TSEN15: variants seen among roughly 807,000 people sequenced by gnomAD.
The protein encoded by TSEN15 is tRNA splicing endonuclease subunit 15.
In TSEN15, 10 loss-of-function variants were observed where a neutral mutation model predicts 20.5. That is an observed-to-expected ratio of 0.49 (90% CI 0.30 to 0.83). The LOEUF is 0.83. TSEN15 is among the 40% of genes least tolerant of loss of function. The probability of loss-of-function intolerance (pLI) is 0.06; values close to 1 mark genes in which losing one functional copy is unlikely to be tolerated. For missense variants in TSEN15, 180 were observed against 218.6 expected (o/e 0.82, Z 1.11); for synonymous variants, 72 against 80.1 (o/e 0.90, Z 0.54).
intron 1 of TSEN15, 28 bp downstream of exon 1, chr1:184,051,918 C>T: frequency 6.7e-7 from 1 of 1,500,072 alleles, no homozygotes; most frequent in Non-Finnish European, 8.9e-7. Context: ...GAGCAGGGCG[C>T]CGTCCAGGCC....
chr1:184,075,910 A>ATATATATATATATATATATATATTTTTT (rs760409158), downstream of TSEN15, among the ~76,000 whole-genome samples: 2 of 123,738 alleles, frequency 1.6e-5, no homozygotes, highest in South Asian at 2.7e-4. Context: ...ATATATATAT[A>ATATATATATATATATATATATATTTTTT]TTTTTTTTTT....
chr1:184,087,108 G>T (rs1353162055), intron 3 of TSEN15, among the ~76,000 whole-genome samples: 1 of 152,088 alleles, frequency 6.6e-6, no homozygotes, highest in African/African-American at 2.4e-5. Flanking sequence ...GGGTAGAAAG[G>T]TATGATGAGG....
intron 3 of TSEN15, among the ~76,000 whole-genome samples, chr1:184,086,635 G>A (rs939504281): frequency 2.0e-5 from 3 of 152,168 alleles, no homozygotes; most frequent in Non-Finnish European, 4.4e-5. Context: ...GCAGGAGAAG[G>A]CCTTGCTTTC....
intron 3 of TSEN15, among the ~76,000 whole-genome samples, chr1:184,057,274 T>A (rs995972332): frequency 1.3e-5 from 2 of 151,766 alleles, no homozygotes; most frequent in Non-Finnish European, 2.9e-5. Flanking sequence ...TGGAGGAGAG[T>A]AATATTGAGC....
exon 4 of TSEN15, chr1:184,096,125 C>A: frequency 5.5e-6 from 1 of 181,420 alleles, no homozygotes; most frequent in East Asian, 1.3e-4. Context: ...AGAAATAAAT[C>A]ACATTCACTG....
At chr1:184,093,095 T>C (rs1651388471) in intron 3 of TSEN15, among the ~76,000 whole-genome samples, 1 of 152,230 alleles carries the variant, frequency 6.6e-6, no homozygotes, top group Admixed American at 6.5e-5. Flanking sequence ...TAAAATTTTC[T>C]TTCCGATCAA....
At chr1:184,067,924 C>CAAAAA (rs71130650) in intron 3 of TSEN15, among the ~76,000 whole-genome samples, 31 of 54,832 alleles carry the variant, frequency 5.7e-4, no homozygotes, top group African/African-American at 2.9e-3. Context: ...CTCTCTCTCT[C>CAAAAA]AAAAAAAAAA....
At chr1:184,080,263 C>T (rs1051028490) in intron 3 of TSEN15, among the ~76,000 whole-genome samples, 1 of 152,156 alleles carries the variant, frequency 6.6e-6, no homozygotes, top group African/African-American at 2.4e-5. Context: ...ATGCTCACAA[C>T]AGAGCTGATG....
rs527526319 is a variant in TSEN15 at position 184,054,205 on chromosome 1, A to G, written c.136-149A>G. The G allele has an allele frequency of 2.4e-4, 125 of 516,504 alleles. 1 individual carries two copies. The highest frequency in any genetic ancestry group is 2.2e-3 in the African/African-American group (112 of 51,388). The allele number at this position is 516,504 out of a possible 1,614,324, so 32.0% of individuals were successfully genotyped here. A position where few individuals can be genotyped will look rare whatever the true frequency, so the allele number is the denominator to read the frequency against. On this transcript the variant is annotated intron_variant, in intron 1 of 4. Transcript: ENST00000645668. Reference sequence around the variant, plus strand: ...TTTAACAATTGCAAGTTCTTTAGAGACAGAGATAAGATCTTATATTGCCTT... The same window carrying G: ...TTTAACAATTGCAAGTTCTTTAGAGGCAGAGATAAGATCTTATATTGCCTT...
downstream of TSEN15, among the ~76,000 whole-genome samples, chr1:184,078,740 AAGAGT>A (rs1345948339): frequency 2.0e-5 from 3 of 152,212 alleles, no homozygotes; most frequent in African/African-American, 7.2e-5. Context: ...ATTAGAATAG[AAGAGT>A]AATCTGCAAA....
At chr1:184,090,809 G>C (rs967282229) in intron 3 of TSEN15, among the ~76,000 whole-genome samples, 1 of 152,180 alleles carries the variant, frequency 6.6e-6, no homozygotes, top group Non-Finnish European at 1.5e-5. Flanking sequence ...GGCTTGCTCA[G>C]GTGTCCCAGC....
At chr1:184,062,712 G>A (rs1315224992) in intron 3 of TSEN15, among the ~76,000 whole-genome samples, 1 of 151,714 alleles carries the variant, frequency 6.6e-6, no homozygotes, top group African/African-American at 2.4e-5. Flanking sequence ...GAACAAAATG[G>A]TTTTCTAGTC....
chr1:184,064,508 G>A (rs1650577075), intron 3 of TSEN15, among the ~76,000 whole-genome samples: 1 of 151,940 alleles, frequency 6.6e-6, no homozygotes, highest in South Asian at 2.1e-4. Context: ...GGGAAAAGGA[G>A]GGGAGGAAAG....
At chr1:184,096,287 C>G (rs1651447607) in exon 4 of TSEN15, 2 of 152,162 alleles carry the variant, frequency 1.3e-5, no homozygotes, top group Non-Finnish European at 2.9e-5. Flanking sequence ...AAGGGAATGT[C>G]TTAGATAGCT....
Position 184,054,764 on chromosome 1 carries a change from C to G in TSEN15, c.254C>G (p.Pro85Arg). 1 of 1,612,180 alleles carries G rather than the reference C, an allele frequency of 6.2e-7. No individual in the cohort carries two copies. ...CATGAAGTAAACTGTGTAGGATTACCAGAACTCCAGCTCATCTGCCTTGTT... is the reference window on the plus strand; with the variant it reads ...CATGAAGTAAACTGTGTAGGATTACGAGAACTCCAGCTCATCTGCCTTGTT... ...SWHEVNCVGL[P>R]ELQLICLVGT... The change falls in exon 3 of 5, where the codon CCA becomes CGA. Residue 85 changes from proline to arginine, a missense_variant. Physicochemically the swap from Pro to Arg is moderately radical, Grantham distance 103. Coordinates refer to ENST00000645668, the MANE Select transcript of TSEN15 (RefSeq NM_052965.4).
intron 4 of TSEN15, chr1:184,072,544 A>G (rs986143788): frequency 7.3e-6 from 4 of 550,152 alleles, no homozygotes; most frequent in Non-Finnish European, 1.2e-5. Context: ...ATGGTTTTCC[A>G]AAGTATTTTA....
At chr1:184,090,356 C>A (rs1225088569) in intron 3 of TSEN15, among the ~76,000 whole-genome samples, 2 of 152,042 alleles carry the variant, frequency 1.3e-5, no homozygotes, top group Admixed American at 6.5e-5. Flanking sequence ...GGAATTCAGG[C>A]AAAAGATGAT....
chr1:184,061,630 T>C (rs977144642), intron 3 of TSEN15, among the ~76,000 whole-genome samples: 4 of 152,236 alleles, frequency 2.6e-5, no homozygotes, highest in Admixed American at 6.5e-5. Flanking sequence ...TTGACTGTTA[T>C]GTGGCAGAGT....
intron 3 of TSEN15, 150 bp downstream of exon 3, chr1:184,055,013 T>G: frequency 1.2e-6 from 1 of 835,320 alleles, no homozygotes; most frequent in East Asian, 2.7e-5. Flanking sequence ...ATATGAGTGT[T>G]GTATTCGGCC....
Sources: allele counts gnomAD v4.1 joint callset (sites outside exome capture counted in the v4.1 genomes callset), GRCh38; gene constraint gnomAD v4.1.1; transcripts MANE v1.5; gene names NCBI Gene and HGNC (gene_info 2026-07-23, HGNC 2026-07-21).